Variants in DOP1B observed in about 807,000 individuals in gnomAD.
The protein encoded by DOP1B is DOP1 leucine zipper like protein B.
A neutral mutation model predicts 233.5 loss-of-function variants in DOP1B; 174 were observed. The observed-to-expected ratio is 0.75, with a 90% CI of 0.66 to 0.85. The LOEUF (loss-of-function observed/expected upper bound fraction) is 0.85, where lower values mean the gene tolerates loss of function less well. Ranked by LOEUF, DOP1B falls within the 40% of genes least tolerant of loss-of-function variation. The probability of loss-of-function intolerance (pLI) is 0.00; values close to 1 mark genes in which losing one functional copy is unlikely to be tolerated. For synonymous variants in DOP1B, 1,190 were observed against 1,185.6 expected, an observed-to-expected ratio of 1.00 and a Z score of -0.08; for missense variants, 2,652 against 2,846.6, an observed-to-expected ratio of 0.93 and a Z score of 1.56.
chr21:36,159,871 C>T (rs2065854819), intron 1 of DOP1B, among the ~76,000 whole-genome samples: 1 of 152,232 alleles, frequency 6.6e-6, no homozygotes, highest in African/African-American at 2.4e-5. Context: ...ATTTTGTCCA[C>T]CCTCTGTCAC....
intron 21 of DOP1B, among the ~76,000 whole-genome samples, 177 bp from the exon 22 acceptor site, chr21:36,250,985 A>G (rs2067026236): frequency 6.6e-6 from 1 of 152,226 alleles, no homozygotes; most frequent in African/African-American, 2.4e-5. Context: ...CCTTGCGGAA[A>G]GGGTTTGATT....
intron 23 of DOP1B, among the ~76,000 whole-genome samples, chr21:36,260,436 G>A (rs746431083): frequency 9.2e-5 from 14 of 152,140 alleles, no homozygotes; most frequent in Non-Finnish European, 2.1e-4. Context: ...TGTAAAGTAG[G>A]TGCACAGGGT....
At chr21:36,169,356 G>A in intron 2 of DOP1B, 1 of 795,530 alleles carries the variant, frequency 1.3e-6, no homozygotes, top group Non-Finnish European at 2.2e-6. Flanking sequence ...TCAGTGTGGT[G>A]ATGGTCGCCT....
intron 26 of DOP1B, among the ~76,000 whole-genome samples, chr21:36,268,490 T>G (rs2067254085): frequency 6.6e-6 from 1 of 152,192 alleles, no homozygotes; most frequent in Non-Finnish European, 1.5e-5. Context: ...ATTTGTACAG[T>G]TAACACAATT....
intron 1 of DOP1B, among the ~76,000 whole-genome samples, chr21:36,163,138 AG>A (rs2065882262): frequency 6.6e-6 from 1 of 151,982 alleles, no homozygotes; most frequent in African/African-American, 2.4e-5. Flanking sequence ...CGAGGTCAGG[AG>A]TTCAAGACCA....
chr21:36,213,941 C>T (rs576030883), intron 7 of DOP1B, 140 bp from the exon 8 acceptor site: 42 of 650,540 alleles, frequency 6.5e-5, no homozygotes, highest in Middle Eastern at 5.9e-4. Context: ...GAAAATCTGA[C>T]GTGGTCTTTC....
At chr21:36,239,085 A>G (rs1484684893) in intron 17 of DOP1B, among the ~76,000 whole-genome samples, 2 of 152,168 alleles carry the variant, frequency 1.3e-5, no homozygotes, top group Non-Finnish European at 2.9e-5. Flanking sequence ...CCTGGGTGAC[A>G]AGAGCGAAAC....
chr21:36,172,793 T>C (rs2065984965), intron 2 of DOP1B, among the ~76,000 whole-genome samples: 1 of 152,012 alleles, frequency 6.6e-6, no homozygotes, highest in African/African-American at 2.4e-5. Flanking sequence ...GTCACATTTC[T>C]TGGACTTATG....
At chr21:36,224,805 C>T (rs2066663444) in intron 11 of DOP1B, among the ~76,000 whole-genome samples, 1 of 151,664 alleles carries the variant, frequency 6.6e-6, no homozygotes, top group Non-Finnish European at 1.5e-5. Flanking sequence ...TTACACTTCT[C>T]TACAGAAGCT....
At chr21:36,210,234 G>T (rs368493514) in intron 5 of DOP1B, among the ~76,000 whole-genome samples, 11 of 152,226 alleles carry the variant, frequency 7.2e-5, no homozygotes, top group African/African-American at 1.9e-4. Flanking sequence ...CCGGCTGGGT[G>T]CGGTGACTCA....
chr21:36,276,051 G>A (rs991700824), intron 27 of DOP1B, among the ~76,000 whole-genome samples: 2 of 149,962 alleles, frequency 1.3e-5, no homozygotes, highest in Admixed American at 6.8e-5. Context: ...TGACAGTGGT[G>A]GAGCTGGAGC....
intron 32 of DOP1B, among the ~76,000 whole-genome samples, chr21:36,282,405 C>T (rs771668024): frequency 6.6e-5 from 10 of 151,616 alleles, no homozygotes; most frequent in African/African-American, 1.2e-4. Context: ...GCAACAAGAG[C>T]GAAACTCTGT....
chr21:36,166,665 CAG>C (rs1170901682), intron 2 of DOP1B, among the ~76,000 whole-genome samples: 1 of 152,146 alleles, frequency 6.6e-6, no homozygotes, highest in East Asian at 1.9e-4. Context: ...GCTGTTCAGA[CAG>C]GACCTGAGTT....
In DOP1B at chr21:36,288,811, G is replaced by A. The variant is rs2067519064; in HGVS notation, c.6353G>A (p.Arg2118Lys). 3 of 1,611,406 alleles carry A rather than the reference G, an allele frequency of 1.9e-6. No individual in the cohort carries two copies. Among genetic ancestry groups the A allele is most frequent in the Non-Finnish European group, 2.5e-6 (3 of 1,177,930 alleles). Residue 2118 changes from arginine to lysine, a missense_variant and splice_region_variant, in exon 34 of 37, where the codon AGA (arginine) becomes AAA (lysine). Transcript: ENST00000691173. ...CTAAAAGATGAAGATGAGTCATTGA[G>A]GTAAGCAGTACAAGATCTGTACACA... Reference protein sequence around the residue: ...EDLKDEDESLRSTNKVNRTKV... With the variant: ...EDLKDEDESLKSTNKVNRTKV...
chr21:36,268,916 C>T (rs2067257866), intron 26 of DOP1B, among the ~76,000 whole-genome samples: 1 of 152,198 alleles, frequency 6.6e-6, no homozygotes, highest in African/African-American at 2.4e-5. Flanking sequence ...GATCCGCCTG[C>T]CTCGGCCTCC....
At position 36,281,584 on chromosome 21, in the gene DOP1B, T is replaced by C. The variant is rs2067417175; in HGVS notation, c.6133T>C (p.Tyr2045His). ...FAVFSGELDQ[Y>H]HLYLPLIQER... Reference sequence around the variant, plus strand: ...TGTCTTCAGTGGAGAACTTGATCAATACCACCTTTACCTTCCACTGATACA... The same window carrying C: ...TGTCTTCAGTGGAGAACTTGATCAACACCACCTTTACCTTCCACTGATACA... Residue 2045 changes from tyrosine to histidine, a missense_variant, in exon 32 of 37, where the codon TAC becomes CAC. Tyr to His is a moderately conservative substitution (Grantham distance 83, BLOSUM62 2). Transcript: ENST00000691173. 5 of 1,600,588 alleles carry C rather than the reference T, an allele frequency of 3.1e-6. No homozygotes were observed. The East Asian group carries it at 1.1e-4, about 36-fold the overall frequency.
intron 13 of DOP1B, among the ~76,000 whole-genome samples, chr21:36,228,470 A>C (rs2123539443): frequency 6.6e-6 from 1 of 152,098 alleles, no homozygotes; most frequent in South Asian, 2.1e-4. Flanking sequence ...AAAAAAAAAA[A>C]TAAATAAAAA....
chr21:36,276,907 C>T, intron 27 of DOP1B, 114 bp from the exon 28 acceptor site: 3 of 901,998 alleles, frequency 3.3e-6, no homozygotes, highest in South Asian at 3.1e-5. Context: ...CATATGGACA[C>T]AATTGGTATG....
intron 30 of DOP1B, among the ~76,000 whole-genome samples, chr21:36,279,412 T>C (rs2067390182): frequency 6.6e-6 from 1 of 152,126 alleles, no homozygotes; most frequent in East Asian, 1.9e-4. Context: ...CACACGACCC[T>C]GGGCCCTGTC....
Sources: allele counts gnomAD v4.1 joint callset (sites outside exome capture counted in the v4.1 genomes callset), GRCh38; gene constraint gnomAD v4.1.1; transcripts MANE v1.5; gene names NCBI Gene and HGNC (gene_info 2026-07-23, HGNC 2026-07-21).